AASS: variants seen among roughly 807,000 people sequenced by gnomAD.
AASS encodes alpha-aminoadipic semialdehyde synthase, mitochondrial.
In AASS, 86 loss-of-function variants were observed where a neutral mutation model predicts 105.4. That is an observed-to-expected ratio of 0.82 (90% CI 0.69 to 0.98). The LOEUF is 0.98. Ranked by LOEUF, AASS falls within the 50% of genes least tolerant of loss-of-function variation. The pLI is 0.00. For synonymous variants in AASS, 381 were observed against 394.8 expected (o/e 0.96, Z 0.41); for missense variants, 1,048 against 1,143.2 (o/e 0.92, Z 1.20).
Position 122,124,822 on chromosome 7 carries a change from A to G in AASS, c.472+1553T>C, listed in dbSNP as rs1795585367. ...CATAGTCATCAGAGGTCTCTCTATTACTGCTTTTATACTAAGAAATTTAAT... is the reference window on the plus strand; with the variant it reads ...CATAGTCATCAGAGGTCTCTCTATTGCTGCTTTTATACTAAGAAATTTAAT... On this transcript the variant is annotated intron_variant, in intron 4 of 23. Transcript: ENST00000417368. 2.6e-5 allele frequency among the ~76,000 whole-genome samples: 4 copies of G among 152,200 alleles called. No individual in the cohort carries two copies. The South Asian group carries it at 8.3e-4, about 31-fold the overall frequency.
At chr7:122,081,672 G>T (rs1793331277) in intron 19 of AASS, 77 bp from the exon 20 acceptor site, 3 of 978,938 alleles carry the variant, frequency 3.1e-6, no homozygotes, top group Non-Finnish European at 4.8e-6. Context: ...TTGAAAAGAG[G>T]GATATATCTT....
chr7:122,090,070 T>C (rs1793821239), intron 18 of AASS, among the ~76,000 whole-genome samples: 2 of 152,132 alleles, frequency 1.3e-5, no homozygotes, highest in African/African-American at 4.8e-5. Flanking sequence ...AATTAAAGAA[T>C]TGGATGGAAC....
At chr7:122,105,485 A>G (rs1794627394) in intron 11 of AASS, among the ~76,000 whole-genome samples, 1 of 152,110 alleles carries the variant, frequency 6.6e-6, no homozygotes, top group South Asian at 2.1e-4. Context: ...AGGCCACAAA[A>G]TATGTCTTAA....
At chr7:122,093,655 C>G (rs1210048048) in intron 15 of AASS, among the ~76,000 whole-genome samples, 2 of 151,902 alleles carry the variant, frequency 1.3e-5, no homozygotes, top group African/African-American at 4.8e-5. Context: ...ACAACAAATA[C>G]AAAAATTGGC....
At position 122,081,480 on chromosome 7, in the gene AASS, C is replaced by A. The variant is rs770875442; in HGVS notation, c.2280+20G>T. 1.3e-6 allele frequency: 2 copies of A among 1,581,002 alleles called. No individual in the cohort carries two copies. The highest frequency in any genetic ancestry group is 8.7e-7 in the Non-Finnish European group (1 of 1,149,898). On this transcript the variant is annotated intron_variant, in intron 20 of 23. Coordinates refer to ENST00000417368, the MANE Select transcript of AASS (RefSeq NM_005763.4). ...TATTTCTGAAAAGGAGCAGATAGAA[C>A]GTAATTCGGAGTCACTCACCCAGGT... is the stretch of plus-strand genomic sequence containing the variant.
At chr7:122,084,467 G>A (rs1488439311) in intron 19 of AASS, among the ~76,000 whole-genome samples, 4 of 152,130 alleles carry the variant, frequency 2.6e-5, no homozygotes, top group African/African-American at 7.2e-5. Context: ...TTCTTTTTAA[G>A]AACAGATAGG....
chr7:122,113,259 G>A (rs200967230), intron 10 of AASS, 30 bp from the exon 11 acceptor site: 248 of 1,569,410 alleles, frequency 1.6e-4, no homozygotes, highest in Non-Finnish European at 2.1e-4. Flanking sequence ...TTATTCAGAA[G>A]CACAAAACAT....
Position 122,118,303 on chromosome 7 carries a change from T to C in AASS, c.687+4A>G. 1 of 1,613,928 alleles carries C rather than the reference T, an allele frequency of 6.2e-7. No homozygotes were observed. Among genetic ancestry groups the C allele is most frequent in the African/African-American group, 1.3e-5 (1 of 75,054 alleles). ...TTTACAAAAGGAAGTCAGGTAAAAG[T>C]TACCTTAGAAACATTACCAGTTCCT... On this transcript the variant is annotated splice_donor_region_variant and intron_variant, in intron 6 of 23. Coordinates refer to ENST00000417368, the MANE Select transcript of AASS (RefSeq NM_005763.4).
chr7:122,079,132 A>T, intron 21 of AASS, 182 bp from the exon 22 acceptor site: 1 of 1,494,868 alleles, frequency 6.7e-7, no homozygotes, highest in Non-Finnish European at 8.9e-7. Context: ...AACCTTCAGA[A>T]TCTTCTCCAG....
chr7:122,143,619 C>T (rs959346214), intron 1 of AASS, among the ~76,000 whole-genome samples: 17 of 151,634 alleles, frequency 1.1e-4, no homozygotes, highest in African/African-American at 4.1e-4. Context: ...GAGTGGGCAG[C>T]CCAAGATGGA....
intron 2 of AASS, among the ~76,000 whole-genome samples, chr7:122,131,062 A>G (rs1795894587): frequency 6.6e-6 from 1 of 151,550 alleles, no homozygotes; most frequent in African/African-American, 2.4e-5. Flanking sequence ...AAACAATGAT[A>G]GATCAGAAAC....
intron 19 of AASS, among the ~76,000 whole-genome samples, chr7:122,082,082 C>T (rs1793359710): frequency 1.3e-5 from 2 of 151,970 alleles, no homozygotes; most frequent in East Asian, 1.9e-4. Context: ...GCAGATAATC[C>T]AATCTACTAA....
chr7:122,101,813 A>G, intron 11 of AASS, 133 bp from the exon 12 acceptor site: 1 of 719,062 alleles, frequency 1.4e-6, no homozygotes, highest in Non-Finnish European at 2.5e-6. Context: ...ATCACCGAGT[A>G]TAAGTGATTG....
At chr7:122,140,197 A>G (rs1377731861) in intron 1 of AASS, among the ~76,000 whole-genome samples, 1 of 151,992 alleles carries the variant, frequency 6.6e-6, no homozygotes, top group African/African-American at 2.4e-5. Flanking sequence ...TTAAGAATGA[A>G]CTAAGCGGCT....
intron 5 of AASS, 31 bp downstream of exon 5, chr7:122,118,532 C>A (rs1562981196): frequency 1.2e-6 from 2 of 1,613,890 alleles, no homozygotes; most frequent in South Asian, 2.2e-5. Context: ...GATGTGTTTT[C>A]AAAAAAATTA....
At chr7:122,142,503 T>G (rs192015541) in intron 1 of AASS, among the ~76,000 whole-genome samples, 1 of 152,282 alleles carries the variant, frequency 6.6e-6, no homozygotes, top group African/African-American at 2.4e-5. Flanking sequence ...GGCATGCATG[T>G]TCAAGATAAA....
chr7:122,118,489 C>G, intron 5 of AASS, 36 bp from the exon 6 acceptor site: 1 of 1,614,142 alleles, frequency 6.2e-7, no homozygotes, highest in Non-Finnish European at 8.5e-7. Context: ...GTTAGTCCAC[C>G]AGCTCAGCAT....
At position 122,118,419 on chromosome 7, in the gene AASS, C is replaced by T; in HGVS notation, c.575G>A (p.Ser192Asn). 6.2e-7 allele frequency: 1 copy of T among 1,614,196 alleles called. No homozygotes were observed. The highest frequency in any genetic ancestry group is 2.2e-5 in the East Asian group (1 of 44,886). ...ATCACGGACAGCTTGCACAGCCTGACTGCTATTCCTGTAGTTATGAGCCAT... is the reference window on the plus strand; with the variant it reads ...ATCACGGACAGCTTGCACAGCCTGATTGCTATTCCTGTAGTTATGAGCCAT... ...IGMAHNYRNS[S>N]QAVQAVRDAG... The change falls in exon 6 of 24, where the codon AGT becomes AAT. Residue 192 changes from serine (S) to asparagine (N), a missense_variant. By Grantham distance (46) the Ser-to-Asn change is conservative (BLOSUM62 1). Coordinates refer to ENST00000417368, the MANE Select transcript of AASS (RefSeq NM_005763.4).
At chr7:122,132,762 C>G (rs1795967861) in intron 2 of AASS, among the ~76,000 whole-genome samples, 1 of 152,072 alleles carries the variant, frequency 6.6e-6, no homozygotes, top group South Asian at 2.1e-4. Context: ...TGCCCAGTAG[C>G]AGGACACTCT....
Sources: gnomAD v4.1 joint callset for allele counts (sites outside exome capture counted in the v4.1 genomes callset) on GRCh38, gnomAD v4.1.1 for gene constraint, MANE v1.5 for transcripts, NCBI Gene and HGNC (gene_info 2026-07-23, HGNC 2026-07-21) for gene names.